VWC2: variants seen among roughly 807,000 people sequenced by gnomAD.
VWC2 encodes brorin.
Under a neutral mutation model 29.8 loss-of-function variants are expected in VWC2, and 14 were observed. That is an observed-to-expected ratio of 0.47 (90% CI 0.31 to 0.74). VWC2 has a LOEUF of 0.74. Ranked by LOEUF, VWC2 falls within the 30% of genes least tolerant of loss-of-function variation. The pLI is 0.05. For synonymous variants in VWC2, 213 were observed against 199.0 expected (o/e 1.07, Z -0.59); for missense variants, 457 against 459.8 (o/e 0.99, Z 0.05).
chr7:49,815,293 G>A (rs1163119012), intron 3 of VWC2, among the ~76,000 whole-genome samples: 2 of 152,182 alleles, frequency 1.3e-5, no homozygotes, highest in African/African-American at 4.8e-5. Context: ...GAAGAAGTGA[G>A]TAATACTGCA....
intron 3 of VWC2, among the ~76,000 whole-genome samples, chr7:49,818,220 G>A (rs1463704694): frequency 6.6e-6 from 1 of 152,174 alleles, no homozygotes; most frequent in African/African-American, 2.4e-5. Flanking sequence ...GTATTCAGAG[G>A]ATGGGGAGCC....
chr7:49,802,368 A>G (rs1316273571), intron 2 of VWC2, among the ~76,000 whole-genome samples: 1 of 152,172 alleles, frequency 6.6e-6, no homozygotes, highest in Non-Finnish European at 1.5e-5. Context: ...CTGTAGGGCC[A>G]GGCTCACTCC....
At chr7:49,794,477 C>T (rs1355087556) in intron 2 of VWC2, among the ~76,000 whole-genome samples, 1 of 152,186 alleles carries the variant, frequency 6.6e-6, no homozygotes, top group Non-Finnish European at 1.5e-5. Flanking sequence ...GTTAGCTGCA[C>T]TGTCTTTGGC....
intron 2 of VWC2, 119 bp from the exon 3 acceptor site, chr7:49,802,592 C>A: frequency 1.5e-6 from 2 of 1,364,188 alleles, no homozygotes; most frequent in Non-Finnish European, 2.0e-6. Flanking sequence ...GAGCCGAGAT[C>A]GCACCACTGC....
At chr7:49,889,999 C>G (rs1445143844) in intron 3 of VWC2, among the ~76,000 whole-genome samples, 1 of 152,142 alleles carries the variant, frequency 6.6e-6, no homozygotes, top group Non-Finnish European at 1.5e-5. Flanking sequence ...TTCTAGGTTT[C>G]AGTTTTCCCA....
rs181332742 is a variant in VWC2 at position 49,833,480 on chromosome 7, C to T, written c.826+30640C>T. The stretch of plus-strand genomic sequence containing the variant: ...CAAACAAGGAAGTGGGAGAACACCT[C>T]TCAAATCCACCTCCCTGAAGATGGG... On this transcript the variant is annotated intron_variant, in intron 3 of 3. Coordinates refer to ENST00000340652, the MANE Select transcript of VWC2 (RefSeq NM_198570.5). 7.6e-3 allele frequency among the ~76,000 whole-genome samples: 1,160 copies of T among 152,282 alleles called. 9 individuals are homozygous for T. Among genetic ancestry groups the T allele is most frequent in the Non-Finnish European group, 0.013 (889 of 68,020 alleles).
intron 3 of VWC2, among the ~76,000 whole-genome samples, chr7:49,889,578 C>T (rs980236441): frequency 2.6e-5 from 4 of 152,122 alleles, no homozygotes; most frequent in Admixed American, 6.5e-5. Context: ...AAAAGAGGAG[C>T]GGCTACAGGG....
intron 3 of VWC2, among the ~76,000 whole-genome samples, chr7:49,872,663 T>C (rs146144817): frequency 0.025 from 3,726 of 150,764 alleles, 80 homozygotes; most frequent in Middle Eastern, 0.076. Flanking sequence ...CCCAGCTCTT[T>C]GGGAGGTCAA....
chr7:49,789,998 T>G (rs1361827309), intron 2 of VWC2, among the ~76,000 whole-genome samples: 1 of 152,250 alleles, frequency 6.6e-6, no homozygotes, highest in Non-Finnish European at 1.5e-5. Flanking sequence ...ACTGTGTATC[T>G]GTTAGGCAAG....
intron 3 of VWC2, among the ~76,000 whole-genome samples, chr7:49,818,178 A>G (rs570994915): frequency 9.9e-5 from 15 of 152,188 alleles, no homozygotes; most frequent in African/African-American, 3.6e-4. Flanking sequence ...ACAAAGAAAA[A>G]TTTTCTAGTC....
intron 3 of VWC2, among the ~76,000 whole-genome samples, chr7:49,859,960 T>G (rs1233552027): frequency 6.6e-6 from 1 of 151,710 alleles, no homozygotes; most frequent in Non-Finnish European, 1.5e-5. Flanking sequence ...ATGTGTTTAC[T>G]TATGTATAAA....
intron 3 of VWC2, among the ~76,000 whole-genome samples, chr7:49,821,000 C>T (rs1789249973): frequency 6.6e-6 from 1 of 152,132 alleles, no homozygotes. Context: ...AGATGAGCTG[C>T]CCAGCCCTCC....
At chr7:49,848,136 CCTGT>C in intron 3 of VWC2, among the ~76,000 whole-genome samples, 1 of 152,214 alleles carries the variant, frequency 6.6e-6, no homozygotes, top group East Asian at 1.9e-4. Flanking sequence ...AGTGGGATGC[CCTGT>C]CTAACCAGTG....
At chr7:49,783,613 C>A (rs1386830712) in intron 2 of VWC2, among the ~76,000 whole-genome samples, 1 of 152,194 alleles carries the variant, frequency 6.6e-6, no homozygotes, top group Non-Finnish European at 1.5e-5. Flanking sequence ...ACTTCTCATT[C>A]TATTTCTGTC....
At chr7:49,863,722 C>T (rs973548094) in intron 3 of VWC2, among the ~76,000 whole-genome samples, 1 of 152,150 alleles carries the variant, frequency 6.6e-6, no homozygotes, top group Non-Finnish European at 1.5e-5. Flanking sequence ...TGAGCCACTG[C>T]ACCTGGTCTG....
intron 2 of VWC2, among the ~76,000 whole-genome samples, chr7:49,783,767 T>C (rs1464503028): frequency 1.3e-5 from 2 of 152,086 alleles, no homozygotes; most frequent in Non-Finnish European, 2.9e-5. Context: ...TAAAACTCCA[T>C]GGCCAGGCAC....
chr7:49,854,616 CT>C (rs772149623), intron 3 of VWC2, among the ~76,000 whole-genome samples: 1 of 152,188 alleles, frequency 6.6e-6, no homozygotes, highest in Non-Finnish European at 1.5e-5. Context: ...GATATTAGCC[CT>C]TTGTCAGATA....
intron 3 of VWC2, among the ~76,000 whole-genome samples, chr7:49,838,340 C>CT (rs141618889): frequency 0.013 from 2,032 of 152,294 alleles, 56 homozygotes; most frequent in African/African-American, 0.047. Flanking sequence ...TTATCTCTTA[C>CT]TTTTTTTCCA....
At chr7:49,820,304 G>T (rs1789237702) in intron 3 of VWC2, among the ~76,000 whole-genome samples, 2 of 152,056 alleles carry the variant, frequency 1.3e-5, no homozygotes, top group East Asian at 3.9e-4. Context: ...GATTACCGTG[G>T]CAGCCCGCAG....
Sources: allele counts gnomAD v4.1 joint callset (sites outside exome capture counted in the v4.1 genomes callset), GRCh38; gene constraint gnomAD v4.1.1; transcripts MANE v1.5; gene names NCBI Gene and HGNC (gene_info 2026-07-23, HGNC 2026-07-21).